The following KCNH7 variants were observed in gnomAD, a reference collection of about 807,000 sequenced individuals.
KCNH7 encodes the protein potassium voltage-gated channel subfamily H member 7, also known as voltage-gated inwardly rectifying potassium channel KCNH7.
KCNH7 carries 49 observed loss-of-function variants against 120.8 expected under a neutral mutation model. The ratio of observed to expected loss-of-function variants is 0.41; its 90% CI spans 0.32 to 0.51. KCNH7 has a LOEUF of 0.51. Among genes scored for constraint, KCNH7 ranks in the 20% least tolerant of loss-of-function variants. The probability of loss-of-function intolerance (pLI) is 0.38; values close to 1 mark genes in which losing one functional copy is unlikely to be tolerated. For synonymous variants in KCNH7, 547 were observed against 516.1 expected, an observed-to-expected ratio of 1.06 and a Z score of -0.81; for missense variants, 1,097 against 1,446.6, an observed-to-expected ratio of 0.76 and a Z score of 3.92.
chr2:162,764,004 A>G (rs1689058712), intron 2 of KCNH7, among the ~76,000 whole-genome samples: 1 of 152,044 alleles, frequency 6.6e-6, no homozygotes, highest in Admixed American at 6.6e-5. Context: ...CTCTGTCCTA[A>G]GGAAAGATTT....
At chr2:162,462,043 A>G (rs1689162652) in intron 6 of KCNH7, among the ~76,000 whole-genome samples, 1 of 152,122 alleles carries the variant, frequency 6.6e-6, no homozygotes, top group Non-Finnish European at 1.5e-5. Flanking sequence ...ACGTGGCAAA[A>G]TAAGATTCAT....
In KCNH7 at chr2:162,566,988, A is replaced by T. The variant is rs548290995; in HGVS notation, c.308-29908T>A. Reference sequence around the variant, plus strand: ...TCTATTAATACATGACAACAGTGCAATTTTTCACTGAAGAAAGGCAGGCCT... The same window carrying T: ...TCTATTAATACATGACAACAGTGCATTTTTTCACTGAAGAAAGGCAGGCCT... On this transcript the variant is annotated intron_variant, in intron 2 of 15. Transcript: ENST00000332142. Among the ~76,000 whole-genome samples the T allele has an allele frequency of 2.0e-5, 3 of 152,042 alleles. No individual in the cohort carries two copies. The South Asian group carries it at 6.2e-4, about 32-fold the overall frequency.
At position 162,818,652 on chromosome 2, in the gene KCNH7, A is replaced by C. The variant is rs553441646; in HGVS notation, c.307+17885T>G. Among the ~76,000 whole-genome samples the C allele has an allele frequency of 4.6e-5, 7 of 152,270 alleles. No individual in the cohort carries two copies. In the South Asian group the frequency reaches 1.4e-3, roughly 32 times the overall value. On this transcript the variant is annotated intron_variant, in intron 2 of 15. Coordinates refer to ENST00000332142, the MANE Select transcript of KCNH7 (RefSeq NM_033272.4). ...GCAGATCAATTTGGGAAGACTGGAC[A>C]TCTTTTCAATATTTCAAGTTCCAAT... is the stretch of plus-strand genomic sequence containing the variant.
chr2:162,527,007 T>C (rs1178279129), intron 3 of KCNH7, among the ~76,000 whole-genome samples: 1 of 152,048 alleles, frequency 6.6e-6, no homozygotes, highest in East Asian at 1.9e-4. Flanking sequence ...TCCACGTTCT[T>C]CTGCCATGGC....
chr2:162,390,921 T>G (rs1014117931), intron 12 of KCNH7, among the ~76,000 whole-genome samples: 2 of 151,994 alleles, frequency 1.3e-5, no homozygotes, highest in African/African-American at 4.8e-5. Context: ...ATTGAAAAAT[T>G]ATATCTTATT....
At chr2:162,805,234 G>A (rs564306386) in intron 2 of KCNH7, among the ~76,000 whole-genome samples, 1 of 151,720 alleles carries the variant, frequency 6.6e-6, no homozygotes, top group African/African-American at 2.4e-5. Flanking sequence ...ATAAATAAAT[G>A]GTACCTAATT....
intron 2 of KCNH7, among the ~76,000 whole-genome samples, chr2:162,572,663 AT>A (rs1693524449): frequency 1.6e-5 from 2 of 126,312 alleles, no homozygotes. Context: ...TCCAACAATG[AT>A]AGACTGGATT....
In KCNH7 at chr2:162,385,046, A is replaced by G. The variant is rs1024443213; in HGVS notation, c.2711-107T>C. 7.3e-6 allele frequency: 6 copies of G among 826,726 alleles called. No individual in the cohort carries two copies. The East Asian group carries it at 8.1e-5, about 11-fold the overall frequency. The allele number at this position is 826,726 out of a possible 1,614,324, so 51.2% of individuals were successfully genotyped here. A position where few individuals can be genotyped will look rare whatever the true frequency, so the allele number is the denominator to read the frequency against. On this transcript the variant is annotated intron_variant, in intron 12 of 15. Coordinates refer to ENST00000332142, the MANE Select transcript of KCNH7 (RefSeq NM_033272.4). ...TATATATATAAACTAGCTTTTTCCT[A>G]TTGAAAATGTAGCTACTTGGGTACT...
At chr2:162,638,929 T>C (rs555375312) in intron 2 of KCNH7, among the ~76,000 whole-genome samples, 33 of 152,248 alleles carry the variant, frequency 2.2e-4, no homozygotes, top group African/African-American at 7.5e-4. Flanking sequence ...ATAAATCAGG[T>C]TTGCCAAACT....
At chr2:162,622,795 A>G (rs991113518) in intron 2 of KCNH7, among the ~76,000 whole-genome samples, 1 of 152,200 alleles carries the variant, frequency 6.6e-6, no homozygotes, top group East Asian at 1.9e-4. Context: ...ATAAAAAACT[A>G]TTAGGGGATG....
chr2:162,712,348 C>G (rs1026762288), intron 2 of KCNH7, among the ~76,000 whole-genome samples: 1 of 152,006 alleles, frequency 6.6e-6, no homozygotes, highest in African/African-American at 2.4e-5. Flanking sequence ...ATCACCAGCT[C>G]CAAAGTCCAT....
chr2:162,560,073 T>C (rs558916096), intron 2 of KCNH7, among the ~76,000 whole-genome samples: 11 of 152,360 alleles, frequency 7.2e-5, no homozygotes, highest in African/African-American at 2.4e-4. Context: ...TCTTTGGTGA[T>C]AAACTTCGAA....
rs189594687 is a variant in KCNH7 at position 162,834,508 on chromosome 2, A to C, written c.307+2029T>G. Among the ~76,000 whole-genome samples the C allele has an allele frequency of 2.2e-3, 339 of 152,188 alleles. 4 individuals are homozygous for C. Among genetic ancestry groups the C allele is most frequent in the South Asian group, 0.013 (63 of 4,830 alleles). ...AGAATCAAAATTTTTACTAAAGGTTAATTTCTTTATACCCAAACAATCCTC... is the reference window on the plus strand; with the variant it reads ...AGAATCAAAATTTTTACTAAAGGTTCATTTCTTTATACCCAAACAATCCTC... On this transcript the variant is annotated intron_variant, in intron 2 of 15. Coordinates refer to ENST00000332142, the MANE Select transcript of KCNH7 (RefSeq NM_033272.4).
intron 2 of KCNH7, among the ~76,000 whole-genome samples, chr2:162,568,813 A>G (rs1693354708): frequency 6.6e-6 from 1 of 152,088 alleles, no homozygotes; most frequent in South Asian, 2.1e-4. Flanking sequence ...TATTGCATGT[A>G]TAACATAAAT....
intron 9 of KCNH7, among the ~76,000 whole-genome samples, chr2:162,418,249 G>A (rs1451224729): frequency 1.3e-5 from 2 of 152,070 alleles, no homozygotes; most frequent in East Asian, 1.9e-4. Context: ...TTTAAATGTA[G>A]GTTTTGGCCA....
At chr2:162,701,068 C>A (rs1686479922) in intron 2 of KCNH7, among the ~76,000 whole-genome samples, 1 of 152,234 alleles carries the variant, frequency 6.6e-6, no homozygotes, top group South Asian at 2.1e-4. Flanking sequence ...CACATTGCAT[C>A]CCTGGCCCCT....
chr2:162,741,366 T>C (rs1688131869), intron 2 of KCNH7, among the ~76,000 whole-genome samples: 1 of 150,942 alleles, frequency 6.6e-6, no homozygotes, highest in African/African-American at 2.4e-5. Flanking sequence ...ACATGCTATT[T>C]TCATGTTAAA....
At chr2:162,557,464 G>C (rs1255447942) in intron 2 of KCNH7, among the ~76,000 whole-genome samples, 1 of 152,096 alleles carries the variant, frequency 6.6e-6, no homozygotes, top group African/African-American at 2.4e-5. Context: ...TCATATTCAA[G>C]GACACAGAGA....
At chr2:162,511,782 T>C (rs1691087171) in intron 5 of KCNH7, among the ~76,000 whole-genome samples, 1 of 151,638 alleles carries the variant, frequency 6.6e-6, no homozygotes, top group Non-Finnish European at 1.5e-5. Context: ...GAGAGAGTGG[T>C]CAAAACAGTG....
Sources: allele counts gnomAD v4.1 joint callset (sites outside exome capture counted in the v4.1 genomes callset), GRCh38; gene constraint gnomAD v4.1.1; transcripts MANE v1.5; gene names NCBI Gene and HGNC (gene_info 2026-07-23, HGNC 2026-07-21).